PAPPA2: variants seen among roughly 807,000 people sequenced by gnomAD.
PAPPA2 encodes the protein pappalysin 2, also known as pappalysin-2.
Under a neutral mutation model 176.4 loss-of-function variants are expected in PAPPA2, and 86 were observed. The ratio of observed to expected loss-of-function variants is 0.49; its 90% CI spans 0.41 to 0.58. PAPPA2 has a LOEUF of 0.58. Ranked by LOEUF, PAPPA2 falls within the 20% of genes least tolerant of loss-of-function variation. PAPPA2 has a pLI of 0.00. For synonymous variants in PAPPA2, 809 were observed against 852.2 expected, an observed-to-expected ratio of 0.95 and a Z score of 0.88; for missense variants, 2,073 against 2,256.9, an observed-to-expected ratio of 0.92 and a Z score of 1.65.
At chr1:176,551,739 A>G (rs751779514) in intron 1 of PAPPA2, among the ~76,000 whole-genome samples, 1 of 152,192 alleles carries the variant, frequency 6.6e-6, no homozygotes, top group African/African-American at 2.4e-5. Flanking sequence ...ATGATCACAA[A>G]CAGCCCAATC....
chr1:176,645,642 G>A (rs1657355044), intron 3 of PAPPA2, among the ~76,000 whole-genome samples: 1 of 151,594 alleles, frequency 6.6e-6, no homozygotes, highest in South Asian at 2.1e-4. Context: ...GGTAGTTCTA[G>A]TTTTATCTTT....
intron 1 of PAPPA2, among the ~76,000 whole-genome samples, chr1:176,482,896 G>C (rs1652469036): frequency 6.6e-6 from 1 of 152,106 alleles, no homozygotes; most frequent in Non-Finnish European, 1.5e-5. Flanking sequence ...CCCTGCTCTG[G>C]GTTCAAACCT....
At chr1:176,647,984 A>G (rs1046060791) in intron 3 of PAPPA2, among the ~76,000 whole-genome samples, 1 of 151,518 alleles carries the variant, frequency 6.6e-6, no homozygotes, top group African/African-American at 2.4e-5. Flanking sequence ...GAGGAATGTC[A>G]TTGGTATTTT....
intron 20 of PAPPA2, among the ~76,000 whole-genome samples, chr1:176,796,893 C>G (rs1665468377): frequency 2.6e-5 from 4 of 151,652 alleles, no homozygotes. Flanking sequence ...TTTCTTCCTT[C>G]CCTCCCACTC....
chr1:176,811,637 A>G (rs1470462734), intron 21 of PAPPA2, among the ~76,000 whole-genome samples: 3 of 152,164 alleles, frequency 2.0e-5, no homozygotes, highest in Admixed American at 2.0e-4. Flanking sequence ...AAAATTGAAA[A>G]TTTGCTTAAG....
rs150062588 is a variant in PAPPA2, at chr1:176,693,378, G to A, written c.2624+1060G>A. 2.0e-4 allele frequency among the ~76,000 whole-genome samples: 30 copies of A among 152,310 alleles called. No individual in the cohort carries two copies. In the East Asian group the frequency reaches 4.8e-3, roughly 24 times the overall value. On this transcript the variant is annotated intron_variant, in intron 6 of 22. Coordinates refer to ENST00000367662, the MANE Select transcript of PAPPA2 (RefSeq NM_020318.3). ...CCCACAACTGATTGGAGGTGAACTC[G>A]GGAGTCCAGTGGAAATTCGGGAATA...
At position 176,842,752 on chromosome 1, in the gene PAPPA2, A is replaced by C; in HGVS notation, c.*298A>C. 3.0e-6 allele frequency: 1 copy of C among 328,366 alleles called. No individual in the cohort carries two copies. The allele number at this position is 328,366 out of a possible 1,614,324, so 20.3% of individuals were successfully genotyped here. On this transcript the variant is annotated 3_prime_UTR_variant, in exon 23 of 23. Coordinates refer to ENST00000367662, the MANE Select transcript of PAPPA2 (RefSeq NM_020318.3). ...TCCTCCCTCACTTATATTCTATTAAATCCTATCCTCAACTCTTGCCCTGCT... is the reference window on the plus strand; with the variant it reads ...TCCTCCCTCACTTATATTCTATTAACTCCTATCCTCAACTCTTGCCCTGCT...
intron 10 of PAPPA2, among the ~76,000 whole-genome samples, chr1:176,709,508 T>C (rs1661042489): frequency 6.6e-6 from 1 of 152,090 alleles, no homozygotes; most frequent in Non-Finnish European, 1.5e-5. Flanking sequence ...AAGCAACAAA[T>C]AGTGATTGAG....
intron 1 of PAPPA2, among the ~76,000 whole-genome samples, chr1:176,541,329 C>G: frequency 6.6e-6 from 1 of 152,182 alleles, no homozygotes; most frequent in East Asian, 1.9e-4. Context: ...AGGATTCAGC[C>G]AGAATACCAG....
chr1:176,468,253 G>A lies in PAPPA2; in HGVS notation c.-917+4835G>A, dbSNP rs553391128. Among the ~76,000 whole-genome samples, 4 of 152,222 alleles carry A rather than the reference G, an allele frequency of 2.6e-5. No individual in the cohort carries two copies. In the South Asian group the frequency reaches 8.3e-4, roughly 32 times the overall value. On this transcript the variant is annotated intron_variant, in intron 1 of 22. Coordinates refer to ENST00000367662, the MANE Select transcript of PAPPA2 (RefSeq NM_020318.3). ...TCCTCCCTCAAAATCCTTTTCATGG[G>A]AGAGCTTCAGACTGAGTTTTTCCTT...
At chr1:176,821,217 A>G (rs1181655983) in intron 21 of PAPPA2, among the ~76,000 whole-genome samples, 8 of 151,958 alleles carry the variant, frequency 5.3e-5, no homozygotes, top group African/African-American at 1.7e-4. Flanking sequence ...AGTGTACACA[A>G]TAGAGATAAA....
At chr1:176,596,148 C>T (rs953839005) in intron 3 of PAPPA2, among the ~76,000 whole-genome samples, 1 of 152,150 alleles carries the variant, frequency 6.6e-6, no homozygotes, top group African/African-American at 2.4e-5. Context: ...CACTGTTGCC[C>T]CATTAAATTC....
chr1:176,553,128 C>T (rs1445119282), intron 1 of PAPPA2, among the ~76,000 whole-genome samples: 1 of 151,866 alleles, frequency 6.6e-6, no homozygotes, highest in East Asian at 1.9e-4. Context: ...GAGGGGGTTG[C>T]TGTGTTTTTG....
At chr1:176,593,237 A>G (rs748429418) in intron 2 of PAPPA2, among the ~76,000 whole-genome samples, 25 of 152,354 alleles carry the variant, frequency 1.6e-4, no homozygotes, top group Non-Finnish European at 3.1e-4. Flanking sequence ...TGCCGTCAGA[A>G]TAGGAAGCCT....
intron 3 of PAPPA2, among the ~76,000 whole-genome samples, chr1:176,638,639 G>A (rs1227093077): frequency 6.6e-6 from 1 of 152,006 alleles, no homozygotes; most frequent in African/African-American, 2.4e-5. Flanking sequence ...AGATGAACAG[G>A]CCGGAGTGCT....
chr1:176,824,692 C>G (rs1167040531), intron 21 of PAPPA2, among the ~76,000 whole-genome samples: 4 of 152,180 alleles, frequency 2.6e-5, no homozygotes, highest in Non-Finnish European at 5.9e-5. Flanking sequence ...GCACCTCTAT[C>G]GCTCATTCCC....
At chr1:176,742,304 G>GAA (rs376795422) in intron 14 of PAPPA2, among the ~76,000 whole-genome samples, 2 of 142,366 alleles carry the variant, frequency 1.4e-5, no homozygotes, top group African/African-American at 5.1e-5. Context: ...AACTGAACAA[G>GAA]AAAAAAAAAA....
rs145795610 is a variant in PAPPA2 at position 176,821,877 on chromosome 1, A to G, written c.5203-18296A>G. On this transcript the variant is annotated intron_variant, in intron 21 of 22. Coordinates refer to ENST00000367662, the MANE Select transcript of PAPPA2 (RefSeq NM_020318.3). ...ATAATATCTACTAGTCAGCCTTTGC[A>G]GTCGCAAGCATTCGTTAAACACATT... Among the ~76,000 whole-genome samples the G allele has an allele frequency of 1.2e-4, 19 of 152,346 alleles. 1 individual carries two copies. In the East Asian group the frequency reaches 3.5e-3, roughly 28 times the overall value.
rs562062561 is a variant in PAPPA2 at position 176,843,723 on chromosome 1, A to C, written c.*1269A>C. 6.6e-6 allele frequency: 1 copy of C among 152,260 alleles called. No homozygotes were observed. Among genetic ancestry groups the C allele is most frequent in the Admixed American group, 6.5e-5 (1 of 15,290 alleles). 9.4% of individuals were successfully genotyped at this position (152,260 alleles called of 1,614,324 possible). A position where few individuals can be genotyped will look rare whatever the true frequency, so the allele number is the denominator to read the frequency against. Reference sequence around the variant, plus strand: ...GGCAAGAGCTGTCAGGGTTAAATCCAGGCCCGGGCATGAGAATGGAAGTGA... The same window carrying C: ...GGCAAGAGCTGTCAGGGTTAAATCCCGGCCCGGGCATGAGAATGGAAGTGA... On this transcript the variant is annotated 3_prime_UTR_variant, in exon 23 of 23. Coordinates refer to ENST00000367662, the MANE Select transcript of PAPPA2 (RefSeq NM_020318.3).
Sources: allele counts gnomAD v4.1 joint callset (sites outside exome capture counted in the v4.1 genomes callset), GRCh38; gene constraint gnomAD v4.1.1; transcripts MANE v1.5; gene names NCBI Gene and HGNC (gene_info 2026-07-23, HGNC 2026-07-21).